The following SVEP1 variants were observed in gnomAD, a reference collection of about 807,000 sequenced individuals.
SVEP1 encodes the protein sushi, von Willebrand factor type A, EGF and pentraxin domain containing 1.
Under a neutral mutation model 367.3 loss-of-function variants are expected in SVEP1, and 164 were observed. That is an observed-to-expected ratio of 0.45 (90% CI 0.39 to 0.51). The LOEUF (loss-of-function observed/expected upper bound fraction) is 0.51. Ranked by LOEUF, SVEP1 falls within the 20% of genes least tolerant of loss-of-function variation. SVEP1 has a pLI of 0.00. For synonymous variants in SVEP1, 1,666 were observed against 1,611.6 expected (o/e 1.03, Z -0.81); for missense variants, 4,117 against 4,425.3 (o/e 0.93, Z 1.98).
intron 22 of SVEP1, among the ~76,000 whole-genome samples, chr9:110,453,108 C>A (rs1395781184): frequency 6.6e-6 from 1 of 152,098 alleles, no homozygotes; most frequent in East Asian, 1.9e-4. Flanking sequence ...TTATTAGAAT[C>A]TGGTTCCTTT....
chr9:110,534,305 T>G (rs1043994603), intron 3 of SVEP1, among the ~76,000 whole-genome samples: 1 of 152,198 alleles, frequency 6.6e-6, no homozygotes, highest in Admixed American at 6.5e-5. Flanking sequence ...TGTGTTAGTT[T>G]GCTCAGGATA....
chr9:110,567,718 C>T (rs554104252), intron 1 of SVEP1, among the ~76,000 whole-genome samples: 124 of 152,202 alleles, frequency 8.1e-4, no homozygotes, highest in Admixed American at 4.9e-3. Flanking sequence ...TGTCACATAC[C>T]CTTGCTTGGC....
intron 1 of SVEP1, among the ~76,000 whole-genome samples, chr9:110,566,608 G>A (rs1487228375): frequency 6.6e-6 from 1 of 152,166 alleles, no homozygotes; most frequent in South Asian, 2.1e-4. Context: ...ATCACTGGTA[G>A]GACATGGGAT....
chr9:110,559,172 TA>T, intron 1 of SVEP1, among the ~76,000 whole-genome samples: 1 of 152,188 alleles, frequency 6.6e-6, no homozygotes, highest in East Asian at 1.9e-4. Flanking sequence ...CATTATTATT[TA>T]AAATCCTTTT....
intron 40 of SVEP1, among the ~76,000 whole-genome samples, chr9:110,398,685 T>C (rs573726425): frequency 6.6e-6 from 1 of 152,250 alleles, no homozygotes; most frequent in African/African-American, 2.4e-5. Context: ...GGGAGAAGGA[T>C]ATGAACAGAC....
At chr9:110,460,953 T>C (rs1020083056) in intron 18 of SVEP1, among the ~76,000 whole-genome samples, 2 of 152,218 alleles carry the variant, frequency 1.3e-5, no homozygotes, top group African/African-American at 4.8e-5. Flanking sequence ...GTGATGCTAC[T>C]GGGCTTTGAA....
rs1827977849 is a variant in SVEP1, at chr9:110,407,730, A to G, written c.7870T>C (p.Cys2624Arg). The G allele has an allele frequency of 6.2e-7, 1 of 1,613,880 alleles. No individual in the cohort carries two copies. The highest frequency in any genetic ancestry group is 8.5e-7 in the Non-Finnish European group (1 of 1,179,888). ...GLPPHIDFGDCTKLKDDQGYF... is the reference protein window; with the variant it reads ...GLPPHIDFGDRTKLKDDQGYF... The stretch of plus-strand genomic sequence containing the variant: ...CCCTGGTCATCTTTGAGTTTAGTAC[A>G]GTCTCCAAAATCTATATGAGGAGGG... Residue 2624 changes from cysteine to arginine, a missense_variant, in exon 38 of 48, where the codon TGT (cysteine) becomes CGT (arginine). Cys to Arg is a radical substitution (Grantham distance 180). Around this residue, in one of 4 missense-constraint regions of SVEP1, gnomAD observed 1,765 missense variants for 1,781.1 expected, o/e 0.99. Coordinates refer to ENST00000374469, the MANE Select transcript of SVEP1 (RefSeq NM_153366.4).
At chr9:110,520,405 C>G (rs1448830502) in intron 3 of SVEP1, among the ~76,000 whole-genome samples, 1 of 152,130 alleles carries the variant, frequency 6.6e-6, no homozygotes, top group African/African-American at 2.4e-5. Flanking sequence ...TGTTTCCTTC[C>G]TGGAAATGTA....
chr9:110,396,763 G>C (rs376571031), intron 40 of SVEP1, among the ~76,000 whole-genome samples: 2 of 151,960 alleles, frequency 1.3e-5, no homozygotes, highest in Admixed American at 1.3e-4. Context: ...TAAATTCCTC[G>C]ACACATACAT....
intron 37 of SVEP1, 60 bp downstream of exon 37, chr9:110,410,999 GTTTA>G (rs1329060604): frequency 6.3e-6 from 9 of 1,424,186 alleles, no homozygotes; most frequent in African/African-American, 2.9e-5. Flanking sequence ...TATTTGTTTT[GTTTA>G]TTTATTTATT....
chr9:110,576,368 A>C (rs1353506516), intron 1 of SVEP1, among the ~76,000 whole-genome samples: 1 of 152,168 alleles, frequency 6.6e-6, no homozygotes, highest in Non-Finnish European at 1.5e-5. Flanking sequence ...TACAAAGTCA[A>C]ATTACAAGAG....
In SVEP1 at chr9:110,407,747, T is replaced by C. The variant is rs1272501468; in HGVS notation, c.7853A>G (p.His2618Arg). Residue 2618 changes from histidine (H) to arginine (R), a missense_variant, in exon 38 of 48, where the codon CAT (histidine) becomes CGT (arginine). By Grantham distance (29) the His-to-Arg change is conservative. This residue lies in a region of SVEP1 where 1,765 missense variants were observed against 1,781.1 expected (regional missense o/e 0.99). Transcript: ENST00000374469. Reference protein sequence around the residue: ...CMPIDCGLPPHIDFGDCTKLK... With the variant: ...CMPIDCGLPPRIDFGDCTKLK... ...TTTAGTACAGTCTCCAAAATCTATA[T>C]GAGGAGGGAGGCCACAGTCTATTGG... 2.5e-6 allele frequency: 4 copies of C among 1,613,962 alleles called. No homozygotes were observed. The highest frequency in any genetic ancestry group is 2.2e-5 in the South Asian group (2 of 91,078).
intron 3 of SVEP1, among the ~76,000 whole-genome samples, chr9:110,541,420 T>C (rs747494782): frequency 2.6e-5 from 4 of 152,146 alleles, no homozygotes; most frequent in Non-Finnish European, 5.9e-5. Flanking sequence ...CCACCTTTAG[T>C]AGGTGCAAGG....
chr9:110,390,355 A>G (rs1224201982), intron 40 of SVEP1, among the ~76,000 whole-genome samples: 1 of 112,822 alleles, frequency 8.9e-6, no homozygotes, highest in African/African-American at 3.2e-5. Flanking sequence ...ATACACTTAT[A>G]TATATATACT....
In SVEP1 at chr9:110,408,746, T is replaced by A; in HGVS notation, c.6854A>T (p.Lys2285Met). ...ACCCTCATTACAGAAAAACTGAACC[T>A]TGGACCCTACTTCAAAGTTTTCTCC... ...MKGENFEVGS[K>M]VQFFCNEGYE... Residue 2285 changes from lysine to methionine, a missense_variant, in exon 38 of 48, where the codon AAG (lysine) becomes ATG (methionine). Lys to Met is a moderately conservative substitution (Grantham distance 95). Transcript: ENST00000374469. 6.2e-7 allele frequency: 1 copy of A among 1,613,864 alleles called. No homozygotes were observed. Among genetic ancestry groups the A allele is most frequent in the East Asian group, 2.2e-5 (1 of 44,876 alleles).
chr9:110,514,236 G>A (rs1829765906), intron 3 of SVEP1, 130 bp from the exon 4 acceptor site: 2 of 1,241,878 alleles, frequency 1.6e-6, no homozygotes, highest in Non-Finnish European at 2.3e-6. Context: ...TGTAGGCTGG[G>A]TGTGGTGGCT....
chr9:110,576,192 T>C (rs1342792856), intron 1 of SVEP1, among the ~76,000 whole-genome samples: 1 of 152,054 alleles, frequency 6.6e-6, no homozygotes, highest in East Asian at 1.9e-4. Flanking sequence ...TTACACAATG[T>C]TTGTAACAGC....
chr9:110,471,415 T>C lies in SVEP1; in HGVS notation c.2947A>G (p.Lys983Glu). Residue 983 changes from lysine (K) to glutamate (E), a missense_variant, in exon 16 of 48, where the codon AAG becomes GAG. Physicochemically the swap from Lys to Glu is moderately conservative, Grantham distance 56. Transcript: ENST00000374469. ...IADSNSLETK[K>E]ASPFCRPGSV... ...CCTGGTCTGCAGAAGGGGGAAGCCT[T>C]TTTTGTTTCTAATGAATTGCTGTCG... The C allele has an allele frequency of 6.2e-7, 1 of 1,613,974 alleles. No homozygotes were observed.
chr9:110,434,081 T>A (rs1387328826), intron 30 of SVEP1, among the ~76,000 whole-genome samples: 1 of 152,168 alleles, frequency 6.6e-6, no homozygotes, highest in African/African-American at 2.4e-5. Context: ...GGCCTCTACC[T>A]GTAGGGTGTG....
Sources: allele counts gnomAD v4.1 joint callset (sites outside exome capture counted in the v4.1 genomes callset), GRCh38; gene constraint gnomAD v4.1.1; regional missense constraint gnomAD v4.1.1; transcripts MANE v1.5; gene names NCBI Gene and HGNC (gene_info 2026-07-23, HGNC 2026-07-21).